Variants in TBC1D9 observed in about 807,000 individuals in gnomAD.
TBC1D9 encodes TBC1 domain family member 9A.
Under a neutral mutation model 132.0 loss-of-function variants are expected in TBC1D9, and 63 were observed. The observed-to-expected ratio is 0.48, with a 90% CI of 0.39 to 0.59. The LOEUF (loss-of-function observed/expected upper bound fraction) is 0.59. Among genes scored for constraint, TBC1D9 ranks in the 20% least tolerant of loss-of-function variants. TBC1D9 has a pLI of 0.00. For synonymous variants in TBC1D9, 610 were observed against 609.9 expected (o/e 1.00, Z 0.00); for missense variants, 1,261 against 1,592.7 (o/e 0.79, Z 3.54).
chr4:140,692,219 C>G (rs1040792167), intron 2 of TBC1D9, among the ~76,000 whole-genome samples: 3 of 152,036 alleles, frequency 2.0e-5, no homozygotes, highest in Non-Finnish European at 2.9e-5. Flanking sequence ...GAAAACAAAA[C>G]AAAAACCCAA....
intron 18 of TBC1D9, 134 bp from the exon 19 acceptor site, chr4:140,624,522 C>T: frequency 1.4e-6 from 1 of 708,750 alleles, no homozygotes; most frequent in Non-Finnish European, 2.3e-6. Flanking sequence ...CAAAAAAAAA[C>T]TCCTCAAAAC....
chr4:140,656,649 G>A (rs924344026), intron 13 of TBC1D9, among the ~76,000 whole-genome samples: 3 of 152,166 alleles, frequency 2.0e-5, no homozygotes, highest in African/African-American at 7.2e-5. Context: ...TTGCATCCTT[G>A]CAATGTACTT....
At chr4:140,628,940 G>A (rs1736752499) in intron 16 of TBC1D9, among the ~76,000 whole-genome samples, 1 of 152,152 alleles carries the variant, frequency 6.6e-6, no homozygotes, top group Admixed American at 6.5e-5. Context: ...GAAGAATCCT[G>A]TTGCTTTTCC....
intron 1 of TBC1D9, among the ~76,000 whole-genome samples, chr4:140,722,636 C>G (rs1038833271): frequency 2.6e-5 from 4 of 152,118 alleles, no homozygotes; most frequent in African/African-American, 9.7e-5. Flanking sequence ...AAATTCTGAC[C>G]TAATGATAAT....
chr4:140,664,219 G>A lies in TBC1D9; in HGVS notation c.1589-2112C>T, dbSNP rs533117124. 9.2e-5 allele frequency among the ~76,000 whole-genome samples: 14 copies of A among 151,946 alleles called. 1 individual carries two copies. In the East Asian group the frequency reaches 1.5e-3, roughly 17 times the overall value. On this transcript the variant is annotated intron_variant, in intron 9 of 20. Coordinates refer to ENST00000442267, the MANE Select transcript of TBC1D9 (RefSeq NM_015130.3). ...TATTTGTCAATTATACCTCAACAAC[G>A]CATGAATGAGTTCATGAAGGCTGCA...
Position 140,637,222 on chromosome 4 carries a change from CACCTGT to C in TBC1D9, c.2505+1858_2505+1863del, listed in dbSNP as rs1736895012. On this transcript the variant is annotated intron_variant, in intron 15 of 20. Coordinates refer to ENST00000442267, the MANE Select transcript of TBC1D9 (RefSeq NM_015130.3). ...AAAATCAGCCAGGCATGGTGGCAGG[CACCTGT>C]ACTCCCAGCTACTCGGGAGCCTGAG... is the stretch of plus-strand genomic sequence containing the variant. Among the ~76,000 whole-genome samples the C allele has an allele frequency of 2.0e-5, 3 of 152,144 alleles. No homozygotes were observed. In the South Asian group the frequency reaches 6.2e-4, roughly 31 times the overall value.
chr4:140,628,924 C>A (rs981802965), intron 16 of TBC1D9, among the ~76,000 whole-genome samples: 1 of 152,214 alleles, frequency 6.6e-6, no homozygotes, highest in African/African-American at 2.4e-5. Flanking sequence ...ACCATAGCTT[C>A]AATCGGAAGA....
At chr4:140,644,444 CGATGGCGGCGGGCT>C (rs1737066929) in intron 13 of TBC1D9, 1 of 296,862 alleles carries the variant, frequency 3.4e-6, no homozygotes, top group South Asian at 2.8e-5. Flanking sequence ...ACGCGCGGGG[CGATGGCGGCGGGCT>C]CACCGCCTTG....
intron 7 of TBC1D9, 68 bp from the exon 8 acceptor site, chr4:140,669,872 T>A (rs1015513745): frequency 1.4e-6 from 2 of 1,425,600 alleles, no homozygotes; most frequent in Admixed American, 4.0e-5. Context: ...TTCAGTGTCT[T>A]CTGTATGGTT....
chr4:140,643,123 C>A, intron 13 of TBC1D9: 1 of 1,415,138 alleles, frequency 7.1e-7, no homozygotes, highest in South Asian at 1.2e-5. Context: ...TGAGCGGGTC[C>A]CACCACGGGC....
At chr4:140,634,782 A>C (rs1196928219) in intron 15 of TBC1D9, among the ~76,000 whole-genome samples, 1 of 152,220 alleles carries the variant, frequency 6.6e-6, no homozygotes, top group Admixed American at 6.5e-5. Flanking sequence ...ACAGTCACAC[A>C]GTATTCAACC....
intron 1 of TBC1D9, among the ~76,000 whole-genome samples, chr4:140,718,858 C>CACTTAAGG (rs1358826187): frequency 6.6e-6 from 1 of 152,074 alleles, no homozygotes; most frequent in Non-Finnish European, 1.5e-5. Context: ...GTGGATGGAT[C>CACTTAAGG]ACTTAAGGTC....
At chr4:140,725,804 A>G (rs909970473) in intron 1 of TBC1D9, among the ~76,000 whole-genome samples, 1 of 152,174 alleles carries the variant, frequency 6.6e-6, no homozygotes, top group African/African-American at 2.4e-5. Flanking sequence ...AGTGTGGGAT[A>G]AAATTACATA....
chr4:140,684,111 A>C (rs1343368020), intron 3 of TBC1D9, among the ~76,000 whole-genome samples: 1 of 152,108 alleles, frequency 6.6e-6, no homozygotes, highest in Non-Finnish European at 1.5e-5. Flanking sequence ...TGCATATTAG[A>C]AGTGGGGAGG....
chr4:140,644,422 C>T (rs1447605218), intron 13 of TBC1D9: 4 of 291,412 alleles, frequency 1.4e-5, no homozygotes, highest in East Asian at 1.3e-4. Context: ...GCCTTCAGGG[C>T]GGCCATGGGG....
At chr4:140,727,314 A>G (rs1248796106) in intron 1 of TBC1D9, among the ~76,000 whole-genome samples, 1 of 152,142 alleles carries the variant, frequency 6.6e-6, no homozygotes. Flanking sequence ...ACTCCTGACT[A>G]CCTGGCTCTC....
At chr4:140,746,212 A>G (rs1305374297) in intron 1 of TBC1D9, among the ~76,000 whole-genome samples, 1 of 152,230 alleles carries the variant, frequency 6.6e-6, no homozygotes, top group Non-Finnish European at 1.5e-5. Flanking sequence ...TCAGCGCCCT[A>G]AACATAGTTG....
At chr4:140,719,163 AG>A (rs1040842957) in intron 1 of TBC1D9, among the ~76,000 whole-genome samples, 1 of 146,206 alleles carries the variant, frequency 6.8e-6, no homozygotes, top group African/African-American at 2.6e-5. Context: ...AATAAATAAA[AG>A]AAAGTGGATT....
intron 1 of TBC1D9, among the ~76,000 whole-genome samples, chr4:140,734,854 T>A (rs750839650): frequency 6.6e-6 from 1 of 152,152 alleles, no homozygotes; most frequent in Non-Finnish European, 1.5e-5. Context: ...TTGCTTTCAG[T>A]ATCTCATTTA....
Sources: allele counts gnomAD v4.1 joint callset (sites outside exome capture counted in the v4.1 genomes callset), GRCh38; gene constraint gnomAD v4.1.1; transcripts MANE v1.5; gene names NCBI Gene and HGNC (gene_info 2026-07-23, HGNC 2026-07-21).